MEF2A: variants seen among roughly 807,000 people sequenced by gnomAD.
MEF2A encodes myocyte enhancer factor 2A.
MEF2A carries 28 observed loss-of-function variants against 55.8 expected under a neutral mutation model. That is an observed-to-expected ratio of 0.50 (90% CI 0.37 to 0.69). MEF2A has a LOEUF of 0.69. Ranked by LOEUF, MEF2A falls within the 30% of genes least tolerant of loss-of-function variation. The pLI is 0.00. For synonymous variants in MEF2A, 239 were observed against 227.1 expected, an observed-to-expected ratio of 1.05 and a Z score of -0.47; for missense variants, 528 against 626.2, an observed-to-expected ratio of 0.84 and a Z score of 1.67.
intron 2 of MEF2A, among the ~76,000 whole-genome samples, chr15:99,602,363 T>C (rs1018645184): frequency 6.6e-6 from 1 of 152,130 alleles, no homozygotes; most frequent in African/African-American, 2.4e-5. Context: ...GCAGTGTGTT[T>C]ACTGAAGTCG....
At chr15:99,597,066 G>A (rs1039724853) in intron 1 of MEF2A, among the ~76,000 whole-genome samples, 1 of 152,094 alleles carries the variant, frequency 6.6e-6, no homozygotes, top group African/African-American at 2.4e-5. Context: ...GTGTGTTTGA[G>A]CAGTATGAAA....
intron 7 of MEF2A, among the ~76,000 whole-genome samples, chr15:99,679,285 C>G (rs1371153868): frequency 1.3e-5 from 2 of 152,134 alleles, no homozygotes; most frequent in Non-Finnish European, 2.9e-5. Context: ...AGAATGTGTA[C>G]AACATTATGT....
chr15:99,633,420 A>T (rs2043243249), intron 3 of MEF2A, among the ~76,000 whole-genome samples: 1 of 152,094 alleles, frequency 6.6e-6, no homozygotes, highest in Admixed American at 6.5e-5. Flanking sequence ...CACAATCCCC[A>T]CCATTACCAA....
In MEF2A at chr15:99,675,422, C is replaced by G. The variant is rs1420767777; in HGVS notation, c.634C>G (p.Leu212Val). Residue 212 changes from leucine (L) to valine (V), a missense_variant, in exon 7 of 12, where the codon CTC becomes GTC. Physicochemically the swap from Leu to Val is conservative, Grantham distance 32. Coordinates refer to ENST00000557942, the MANE Select transcript of MEF2A (RefSeq NM_001319206.4). Reference sequence around the variant, plus strand: ...AGGTGGGATGTTGAGCACTACAGACCTCACAGTGCCAAATGGAGCTGGAAG... The same window carrying G: ...AGGTGGGATGTTGAGCACTACAGACGTCACAGTGCCAAATGGAGCTGGAAG... ...NAGGMLSTTD[L>V]TVPNGAGSSP... 1 of 1,613,940 alleles carries G rather than the reference C, an allele frequency of 6.2e-7. No individual in the cohort carries two copies.
chr15:99,590,347 G>C (rs1968834871), intron 1 of MEF2A, among the ~76,000 whole-genome samples: 1 of 137,584 alleles, frequency 7.3e-6, no homozygotes, highest in Non-Finnish European at 1.6e-5. Flanking sequence ...TTTCCTATCT[G>C]TGTTAATTTA....
intron 5 of MEF2A, among the ~76,000 whole-genome samples, 152 bp from the exon 6 acceptor site, chr15:99,674,241 A>G (rs916139237): frequency 6.6e-6 from 1 of 152,248 alleles, no homozygotes; most frequent in Non-Finnish European, 1.5e-5. Context: ...ATAATTCTAA[A>G]GAAAATAGCT....
intron 8 of MEF2A, among the ~76,000 whole-genome samples, chr15:99,697,217 G>A (rs1225149114): frequency 6.6e-6 from 1 of 151,824 alleles, no homozygotes; most frequent in Non-Finnish European, 1.5e-5. Flanking sequence ...ATTTACCATG[G>A]TAGTAAAAGT....
intron 2 of MEF2A, among the ~76,000 whole-genome samples, chr15:99,602,207 G>A (rs929501270): frequency 3.3e-5 from 5 of 152,154 alleles, no homozygotes; most frequent in African/African-American, 1.2e-4. Context: ...TGGGCAGCGT[G>A]AGAGATCAGT....
intron 4 of MEF2A, among the ~76,000 whole-genome samples, chr15:99,669,651 C>T (rs1438786511): frequency 6.6e-6 from 1 of 152,134 alleles, no homozygotes; most frequent in African/African-American, 2.4e-5. Flanking sequence ...CGTATCTGTA[C>T]TAATGATTGT....
chr15:99,641,808 A>G (rs2045028693), intron 3 of MEF2A, among the ~76,000 whole-genome samples: 1 of 152,172 alleles, frequency 6.6e-6, no homozygotes, highest in African/African-American at 2.4e-5. Context: ...TACATTTTCC[A>G]GCATACCCTC....
intron 4 of MEF2A, among the ~76,000 whole-genome samples, chr15:99,660,977 T>G (rs901624867): frequency 1.3e-5 from 2 of 152,176 alleles, no homozygotes; most frequent in Admixed American, 6.5e-5. Flanking sequence ...GGGTTTGCAC[T>G]GCAATATATT....
At chr15:99,677,913 T>C (rs966183345) in intron 7 of MEF2A, among the ~76,000 whole-genome samples, 2 of 152,184 alleles carry the variant, frequency 1.3e-5, no homozygotes, top group African/African-American at 4.8e-5. Flanking sequence ...AAATTTTCTA[T>C]TTCAGGCATG....
intron 2 of MEF2A, among the ~76,000 whole-genome samples, chr15:99,608,784 C>T (rs1417875154): frequency 3.3e-5 from 5 of 151,852 alleles, no homozygotes; most frequent in African/African-American, 1.2e-4. Context: ...GTCTGTAATC[C>T]CAGCTACATG....
chr15:99,597,461 A>C (rs773692982), intron 1 of MEF2A, among the ~76,000 whole-genome samples: 2 of 152,114 alleles, frequency 1.3e-5, no homozygotes, highest in Non-Finnish European at 2.9e-5. Flanking sequence ...ATCAGTGACA[A>C]TGGTGCCCGA....
At chr15:99,578,011 A>G (rs140429382) in intron 1 of MEF2A, among the ~76,000 whole-genome samples, 2 of 152,216 alleles carry the variant, frequency 1.3e-5, no homozygotes, top group South Asian at 4.1e-4. Context: ...AATTAAGGTA[A>G]TATCTGCTGA....
intron 3 of MEF2A, 100 bp downstream of exon 3, chr15:99,633,273 C>T: frequency 1.3e-6 from 1 of 780,144 alleles, no homozygotes; most frequent in Admixed American, 3.7e-5. Flanking sequence ...AATTTTAAGT[C>T]TAAATATTTT....
intron 2 of MEF2A, among the ~76,000 whole-genome samples, chr15:99,619,538 T>A (rs2040783597): frequency 6.6e-6 from 1 of 152,224 alleles, no homozygotes; most frequent in Non-Finnish European, 1.5e-5. Context: ...ATTGCTGTTG[T>A]TACTATGCAG....
At chr15:99,688,741 G>C (rs958126001) in intron 7 of MEF2A, among the ~76,000 whole-genome samples, 4 of 151,898 alleles carry the variant, frequency 2.6e-5, no homozygotes, top group African/African-American at 9.7e-5. Context: ...TGGGCAACAG[G>C]GCAAGTCTCC....
At chr15:99,591,814 T>G (rs1833845844) in intron 1 of MEF2A, among the ~76,000 whole-genome samples, 1 of 152,162 alleles carries the variant, frequency 6.6e-6, no homozygotes, top group Admixed American at 6.5e-5. Context: ...CTTTTTATGT[T>G]TAGAAAATGC....
Sources: allele counts gnomAD v4.1 joint callset (sites outside exome capture counted in the v4.1 genomes callset), GRCh38; gene constraint gnomAD v4.1.1; transcripts MANE v1.5; gene names NCBI Gene and HGNC (gene_info 2026-07-23, HGNC 2026-07-21).